The following FARS2 variants were observed in gnomAD, a reference collection of about 807,000 sequenced individuals.
FARS2 encodes phenylalanyl-tRNA synthetase 2, mitochondrial, also known as phenylalanine--tRNA ligase, mitochondrial.
Under a neutral mutation model 46.4 loss-of-function variants are expected in FARS2, and 40 were observed. The ratio of observed to expected loss-of-function variants is 0.86; its 90% CI spans 0.67 to 1.12. FARS2 has a LOEUF of 1.12. Ranked by LOEUF, FARS2 falls within the 50% of genes most tolerant of loss-of-function variation. The pLI is 0.00. For missense variants in FARS2, 513 were observed against 567.9 expected (o/e 0.90, Z 0.98); for synonymous variants, 234 against 214.9 (o/e 1.09, Z -0.78).
intron 1 of FARS2, among the ~76,000 whole-genome samples, chr6:5,270,306 C>T (rs991752015): frequency 6.6e-6 from 1 of 152,136 alleles, no homozygotes; most frequent in African/African-American, 2.4e-5. Flanking sequence ...AACATTAAGC[C>T]CTGTTAGGAA....
chr6:5,506,415 G>C (rs1359214594), intron 4 of FARS2, among the ~76,000 whole-genome samples: 2 of 152,190 alleles, frequency 1.3e-5, no homozygotes, highest in Non-Finnish European at 2.9e-5. Context: ...CTCAAGATTT[G>C]TGAATGCCCC....
At chr6:5,405,874 A>G (rs1761561309) in intron 3 of FARS2, among the ~76,000 whole-genome samples, 1 of 152,186 alleles carries the variant, frequency 6.6e-6, no homozygotes, top group South Asian at 2.1e-4. Context: ...TATCAACAGG[A>G]GTATATTAAC....
At chr6:5,598,528 T>C (rs1393745129) in intron 5 of FARS2, among the ~76,000 whole-genome samples, 1 of 152,224 alleles carries the variant, frequency 6.6e-6, no homozygotes, top group Non-Finnish European at 1.5e-5. Flanking sequence ...AATCAATAAA[T>C]GTTTTCAGAA....
At chr6:5,319,643 T>A (rs886896889) in intron 1 of FARS2, among the ~76,000 whole-genome samples, 3 of 152,214 alleles carry the variant, frequency 2.0e-5, no homozygotes, top group African/African-American at 7.2e-5. Context: ...TAATAAACTC[T>A]CACTCCTGCT....
intron 6 of FARS2, among the ~76,000 whole-genome samples, chr6:5,673,985 A>C (rs1778619664): frequency 6.6e-6 from 1 of 152,090 alleles, no homozygotes; most frequent in Non-Finnish European, 1.5e-5. Flanking sequence ...TGAATCTGTA[A>C]CAATTTATTG....
At chr6:5,493,791 A>G (rs1036663630) in intron 4 of FARS2, among the ~76,000 whole-genome samples, 1 of 152,228 alleles carries the variant, frequency 6.6e-6, no homozygotes, top group Non-Finnish European at 1.5e-5. Flanking sequence ...TTAACAAATT[A>G]TTTATGTTTT....
At chr6:5,568,892 GA>G (rs1772473220) in intron 5 of FARS2, among the ~76,000 whole-genome samples, 1 of 152,192 alleles carries the variant, frequency 6.6e-6, no homozygotes, top group Middle Eastern at 3.2e-3. Context: ...AGAGAGACTA[GA>G]AGGTAGGGTT....
At chr6:5,658,966 G>A (rs536494999) in intron 6 of FARS2, among the ~76,000 whole-genome samples, 4 of 152,312 alleles carry the variant, frequency 2.6e-5, no homozygotes, top group Admixed American at 6.5e-5. Flanking sequence ...TGGCCCCTGC[G>A]TTTTACAATT....
chr6:5,382,490 A>T (rs1759854713), intron 2 of FARS2, among the ~76,000 whole-genome samples: 1 of 152,212 alleles, frequency 6.6e-6, no homozygotes, highest in African/African-American at 2.4e-5. Flanking sequence ...ATAATCTTAA[A>T]ATCTAGTTGT....
At chr6:5,371,151 G>A in intron 2 of FARS2, 3 of 982,232 alleles carry the variant, frequency 3.1e-6, no homozygotes, top group Admixed American at 6.1e-5. Flanking sequence ...ATGACCCAAA[G>A]GGGAGTTTTG....
intron 6 of FARS2, among the ~76,000 whole-genome samples, chr6:5,742,128 C>T (rs567233601): frequency 1.2e-3 from 181 of 152,258 alleles, no homozygotes; most frequent in Non-Finnish European, 2.0e-3. Context: ...GGTACGTTGG[C>T]GTCAGCTTTT....
At chr6:5,619,588 C>T (rs1017877198) in intron 6 of FARS2, among the ~76,000 whole-genome samples, 2 of 152,180 alleles carry the variant, frequency 1.3e-5, no homozygotes, top group African/African-American at 4.8e-5. Context: ...TGGTTATATT[C>T]CCTTTTGTGA....
intron 1 of FARS2, among the ~76,000 whole-genome samples, chr6:5,324,754 C>T (rs116442963): frequency 0.039 from 5,953 of 152,208 alleles, 359 homozygotes; most frequent in African/African-American, 0.13. Context: ...GAAGCCTTTC[C>T]GGGCTTGGCT....
chr6:5,562,687 G>A (rs576125183), intron 5 of FARS2, among the ~76,000 whole-genome samples: 1 of 107,144 alleles, frequency 9.3e-6, no homozygotes, highest in Admixed American at 1.0e-4. Context: ...TGACTCCACT[G>A]TAATTTATAC....
At chr6:5,418,307 A>G (rs1225670959) in intron 3 of FARS2, among the ~76,000 whole-genome samples, 1 of 152,120 alleles carries the variant, frequency 6.6e-6, no homozygotes, top group Non-Finnish European at 1.5e-5. Context: ...TGCATTGGAT[A>G]TTTTTTACCT....
intron 5 of FARS2, among the ~76,000 whole-genome samples, chr6:5,571,259 A>T (rs1772629062): frequency 6.6e-6 from 1 of 152,230 alleles, no homozygotes; most frequent in Admixed American, 6.5e-5. Context: ...GGCCTACACG[A>T]ATATAAGCAG....
chr6:5,599,799 G>A (rs550003757), intron 5 of FARS2, among the ~76,000 whole-genome samples: 6 of 152,126 alleles, frequency 3.9e-5, no homozygotes, highest in Non-Finnish European at 8.8e-5. Flanking sequence ...TGAACTCTGG[G>A]CTGAGGCCGC....
Position 5,532,777 on chromosome 6 carries a change from T to TAAG in FARS2, c.905-12401_905-12400insGAA, listed in dbSNP as rs573860204. ...AAAGTAGTAGTAGTAATAATAATAA[T>TAAG]AATAATAAGAAGAAGAAGAAGAAGA... is the stretch of plus-strand genomic sequence containing the variant. On this transcript the variant is annotated intron_variant, in intron 4 of 6. Coordinates refer to ENST00000274680, the MANE Select transcript of FARS2 (RefSeq NM_006567.5). Among the ~76,000 whole-genome samples the TAAG allele has an allele frequency of 1.3e-3, 185 of 143,448 alleles. 1 individual carries two copies. The highest frequency in any genetic ancestry group is 6.7e-3 in the South Asian group (31 of 4,642). The allele number at this position is 143,448 out of a possible 152,430, so 94.1% of individuals were successfully genotyped here. A position where few individuals can be genotyped will look rare whatever the true frequency, so the allele number is the denominator to read the frequency against.
intron 4 of FARS2, among the ~76,000 whole-genome samples, chr6:5,472,259 G>GC (rs1190516018): frequency 6.6e-6 from 1 of 152,180 alleles, no homozygotes; most frequent in Non-Finnish European, 1.5e-5. Flanking sequence ...TGCAGCATAT[G>GC]CGCTGCTGTT....
Sources: allele counts gnomAD v4.1 joint callset (sites outside exome capture counted in the v4.1 genomes callset), GRCh38; gene constraint gnomAD v4.1.1; transcripts MANE v1.5; gene names NCBI Gene and HGNC (gene_info 2026-07-23, HGNC 2026-07-21).